The following PALM2AKAP2 variants were observed in gnomAD, a reference collection of about 807,000 sequenced individuals.
PALM2AKAP2 encodes PALM2 and AKAP2 fusion, also known as PALM2-AKAP2 fusion protein.
In PALM2AKAP2, 37 loss-of-function variants were observed where a neutral mutation model predicts 71.5. That is an observed-to-expected ratio of 0.52 (90% CI 0.40 to 0.68). PALM2AKAP2 has a LOEUF of 0.68. PALM2AKAP2 is among the 30% of genes least tolerant of loss of function. The probability of loss-of-function intolerance (pLI) is 0.00; values close to 1 mark genes in which losing one functional copy is unlikely to be tolerated. For synonymous variants in PALM2AKAP2, 468 were observed against 478.8 expected (o/e 0.98, Z 0.29); for missense variants, 1,224 against 1,191.8 (o/e 1.03, Z -0.40).
At chr9:109,890,298 C>T (rs1164933439) in intron 3 of PALM2AKAP2, among the ~76,000 whole-genome samples, 1 of 152,188 alleles carries the variant, frequency 6.6e-6, no homozygotes, top group South Asian at 2.1e-4. Context: ...TTCCCCTTTT[C>T]ACTGTGTAGG....
At chr9:109,717,773 A>G (rs901352989) in intron 1 of PALM2AKAP2, among the ~76,000 whole-genome samples, 3 of 152,222 alleles carry the variant, frequency 2.0e-5, no homozygotes, top group East Asian at 3.9e-4. Flanking sequence ...AGAAAAGCAC[A>G]TGTTTCCATG....
intron 1 of PALM2AKAP2, among the ~76,000 whole-genome samples, chr9:109,836,987 T>C (rs917875854): frequency 2.6e-5 from 4 of 152,114 alleles, no homozygotes; most frequent in African/African-American, 9.7e-5. Flanking sequence ...TTCCCCAACA[T>C]AGCAATGCAG....
chr9:109,705,007 A>G (rs1828121301), intron 1 of PALM2AKAP2, among the ~76,000 whole-genome samples: 1 of 152,198 alleles, frequency 6.6e-6, no homozygotes, highest in Non-Finnish European at 1.5e-5. Context: ...TGCATTTCCT[A>G]ACTACATCTG....
exon 4 of PALM2AKAP2, chr9:110,171,574 C>T (rs1467939061): frequency 2.6e-5 from 4 of 152,194 alleles, no homozygotes; most frequent in Admixed American, 2.6e-4. Context: ...TGGGCCACCG[C>T]TTTGTACATA....
chr9:109,981,746 C>A (rs1221975163), intron 6 of PALM2AKAP2, among the ~76,000 whole-genome samples: 1 of 152,016 alleles, frequency 6.6e-6, no homozygotes, highest in Non-Finnish European at 1.5e-5. Flanking sequence ...GCAAATCAAA[C>A]TACAGTGAGA....
At chr9:109,922,496 G>A (rs1308363127) in intron 3 of PALM2AKAP2, among the ~76,000 whole-genome samples, 1 of 140,846 alleles carries the variant, frequency 7.1e-6, no homozygotes, top group East Asian at 2.2e-4. Flanking sequence ...GACTTATATA[G>A]GCAGACACAG....
intron 1 of PALM2AKAP2, among the ~76,000 whole-genome samples, chr9:109,792,415 T>C (rs908440007): frequency 6.6e-6 from 1 of 152,230 alleles, no homozygotes; most frequent in Non-Finnish European, 1.5e-5. Flanking sequence ...GCATGTGCCA[T>C]TGCTCCCAGC....
rs142399734 is a variant in PALM2AKAP2 at position 110,153,101 on chromosome 9, A to G, written c.2570-3218A>G. On this transcript the variant is annotated intron_variant, in intron 2 of 3. Transcript: ENST00000374525. ...GCCTTTCTTTCCTGCTACTTCTCTGACCTCTAGTGGCTAGAACTGGAAAAA... is the reference window on the plus strand; with the variant it reads ...GCCTTTCTTTCCTGCTACTTCTCTGGCCTCTAGTGGCTAGAACTGGAAAAA... 1.2e-3 allele frequency among the ~76,000 whole-genome samples: 184 copies of G among 152,260 alleles called. 1 individual carries two copies. The highest frequency in any genetic ancestry group is 4.2e-3 in the African/African-American group (176 of 41,544).
rs141326233 is a variant in PALM2AKAP2 at position 109,718,764 on chromosome 9, G to A, written c.6-61724G>A. 5.3e-5 allele frequency among the ~76,000 whole-genome samples: 8 copies of A among 152,272 alleles called. No homozygotes were observed. In the East Asian group the frequency reaches 1.5e-3, roughly 29 times the overall value. ...CTTCTAAATGCCCAGGCTTTCAGGA[G>A]TGGAGAAATGCCCTACTCAGGTTGA... On this transcript the variant is annotated intron_variant, in intron 1 of 6. Coordinates refer to the PALM2AKAP2 transcript ENST00000374531.
intron 1 of PALM2AKAP2, among the ~76,000 whole-genome samples, chr9:110,052,599 G>C (rs1391816633): frequency 2.6e-5 from 4 of 152,228 alleles, no homozygotes; most frequent in African/African-American, 4.8e-5. Flanking sequence ...TATTTGATTA[G>C]AGTATTAAAG....
chr9:109,731,812 C>T lies in PALM2AKAP2; in HGVS notation c.6-48676C>T, dbSNP rs150134924. ...GGAAATGTTGAAGTTAGCCATGGTG[C>T]AGGTTAATATTCATATGTGTGGCAT... On this transcript the variant is annotated intron_variant, in intron 1 of 6. Transcript: ENST00000374531. 2.3e-3 allele frequency among the ~76,000 whole-genome samples: 344 copies of T among 152,194 alleles called. 1 individual carries two copies. The highest frequency in any genetic ancestry group is 7.8e-3 in the African/African-American group (325 of 41,526).
intron 6 of PALM2AKAP2, among the ~76,000 whole-genome samples, chr9:109,983,238 T>G (rs1043965012): frequency 1.3e-5 from 2 of 152,236 alleles, no homozygotes; most frequent in Non-Finnish European, 2.9e-5. Context: ...TGACAAAATG[T>G]GCCATAGATG....
At chr9:109,910,548 T>C (rs1302367734) in intron 3 of PALM2AKAP2, among the ~76,000 whole-genome samples, 1 of 152,206 alleles carries the variant, frequency 6.6e-6, no homozygotes, top group Non-Finnish European at 1.5e-5. Flanking sequence ...CATGGCGTCA[T>C]GGTCTCTTCA....
At chr9:109,825,918 T>C (rs1416010153) in intron 1 of PALM2AKAP2, among the ~76,000 whole-genome samples, 1 of 152,174 alleles carries the variant, frequency 6.6e-6, no homozygotes, top group East Asian at 1.9e-4. Context: ...TGCACACGTA[T>C]GTTTATTGTG....
chr9:110,011,384 G>A (rs1488023093), intron 6 of PALM2AKAP2, among the ~76,000 whole-genome samples: 4 of 151,986 alleles, frequency 2.6e-5, no homozygotes, highest in Non-Finnish European at 5.9e-5. Context: ...GAACATCTAA[G>A]CTTTGCAAAT....
At chr9:109,646,617 CTTAAGG>C (rs11278981) in intron 1 of PALM2AKAP2, among the ~76,000 whole-genome samples, 16,869 of 152,188 alleles carry the variant, frequency 0.11, 1,187 homozygotes, top group Non-Finnish European at 0.16. Flanking sequence ...TTACAGATAA[CTTAAGG>C]TTCTTAACAT....
chr9:109,741,065 C>A (rs1828709556), intron 1 of PALM2AKAP2, among the ~76,000 whole-genome samples: 1 of 152,138 alleles, frequency 6.6e-6, no homozygotes, highest in Admixed American at 6.5e-5. Context: ...TTATACTCTG[C>A]AACTATCATG....
At chr9:109,743,037 C>T (rs923093105) in intron 1 of PALM2AKAP2, among the ~76,000 whole-genome samples, 3 of 152,166 alleles carry the variant, frequency 2.0e-5, no homozygotes, top group South Asian at 2.1e-4. Context: ...TCTATTCCAG[C>T]CAGAAAGCTG....
At chr9:109,751,296 A>C (rs1309091161) in intron 1 of PALM2AKAP2, among the ~76,000 whole-genome samples, 1 of 152,172 alleles carries the variant, frequency 6.6e-6, no homozygotes, top group Non-Finnish European at 1.5e-5. Flanking sequence ...CGTTCTTGAA[A>C]CATTTTAAGG....
Sources: gnomAD v4.1 joint callset for allele counts (sites outside exome capture counted in the v4.1 genomes callset) on GRCh38, gnomAD v4.1.1 for gene constraint, MANE v1.5 for transcripts, NCBI Gene and HGNC (gene_info 2026-07-23, HGNC 2026-07-21) for gene names.